Variants in GREB1L observed in about 807,000 individuals in gnomAD.
The protein encoded by GREB1L is GREB1 like retinoic acid receptor coactivator.
GREB1L carries 17 observed loss-of-function variants against 200.8 expected under a neutral mutation model. That is an observed-to-expected ratio of 0.08 (90% CI 0.06 to 0.13). GREB1L has a LOEUF of 0.13. Among genes scored for constraint, GREB1L ranks in the 10% least tolerant of loss-of-function variants. The probability of loss-of-function intolerance (pLI) is 1.00; values close to 1 mark genes in which losing one functional copy is unlikely to be tolerated. For synonymous variants in GREB1L, 789 were observed against 893.0 expected, an observed-to-expected ratio of 0.88 and a Z score of 2.08; for missense variants, 1,657 against 2,367.7, an observed-to-expected ratio of 0.70 and a Z score of 6.23.
intron 7 of GREB1L, among the ~76,000 whole-genome samples, chr18:21,426,973 C>CAAA (rs56776768): frequency 6.3e-4 from 53 of 83,782 alleles, no homozygotes; most frequent in African/African-American, 1.6e-3. Flanking sequence ...AAAAAAAAAA[C>CAAA]AAAAAAAAAA....
chr18:21,289,481 G>T (rs1209580353), intron 1 of GREB1L, among the ~76,000 whole-genome samples: 1 of 152,016 alleles, frequency 6.6e-6, no homozygotes, highest in Non-Finnish European at 1.5e-5. Context: ...TGAGGCTGCA[G>T]TCAGTGAGCT....
At chr18:21,351,365 G>C (rs553052579) in intron 1 of GREB1L, among the ~76,000 whole-genome samples, 1 of 152,096 alleles carries the variant, frequency 6.6e-6, no homozygotes, top group Non-Finnish European at 1.5e-5. Flanking sequence ...ACAAGGTCAG[G>C]AGTTTGAGAC....
chr18:21,251,168 A>G (rs964532253), intron 1 of GREB1L, among the ~76,000 whole-genome samples: 6 of 151,534 alleles, frequency 4.0e-5, no homozygotes, highest in Non-Finnish European at 5.9e-5. Flanking sequence ...ACAAACAAAC[A>G]AACGAAAACT....
At chr18:21,294,568 G>C (rs1371286631) in intron 1 of GREB1L, among the ~76,000 whole-genome samples, 1 of 151,812 alleles carries the variant, frequency 6.6e-6, no homozygotes, top group African/African-American at 2.4e-5. Flanking sequence ...AAGCCATGTG[G>C]CTTGGTAGGG....
At position 21,347,565 on chromosome 18, in the gene GREB1L, C is replaced by T. The variant is rs551351457; in HGVS notation, c.-119-18462C>T. Among the ~76,000 whole-genome samples, 28 of 151,748 alleles carry T rather than the reference C, an allele frequency of 1.8e-4. No individual in the cohort carries two copies. The East Asian group carries it at 4.5e-3, about 25-fold the overall frequency. Reference sequence around the variant, plus strand: ...CCACCTCCTAGATTCAAACAATTCTCCTGCCTCAGCCTCCCAAGTAACTGG... The same window carrying T: ...CCACCTCCTAGATTCAAACAATTCTTCTGCCTCAGCCTCCCAAGTAACTGG... On this transcript the variant is annotated intron_variant, in intron 1 of 32. Transcript: ENST00000424526.
At chr18:21,351,756 T>C (rs1437681078) in intron 1 of GREB1L, among the ~76,000 whole-genome samples, 1 of 152,222 alleles carries the variant, frequency 6.6e-6, no homozygotes, top group Non-Finnish European at 1.5e-5. Flanking sequence ...TGTTTCATCC[T>C]GCAGGTTATC....
At chr18:21,351,610 G>A (rs977074887) in intron 1 of GREB1L, among the ~76,000 whole-genome samples, 1 of 151,412 alleles carries the variant, frequency 6.6e-6, no homozygotes, top group Non-Finnish European at 1.5e-5. Flanking sequence ...ATATGGGCTT[G>A]TTATTGTTGG....
chr18:21,325,041 A>AT (rs1379798463), intron 1 of GREB1L, among the ~76,000 whole-genome samples: 1 of 152,142 alleles, frequency 6.6e-6, no homozygotes, highest in Non-Finnish European at 1.5e-5. Context: ...TTTCAGAAAG[A>AT]TTTTAAGTAA....
chr18:21,476,616 C>T (rs2035710124), intron 16 of GREB1L, among the ~76,000 whole-genome samples: 1 of 151,914 alleles, frequency 6.6e-6, no homozygotes, highest in African/African-American at 2.4e-5. Flanking sequence ...GTTGCCCAGG[C>T]TGGAGCACAG....
chr18:21,472,984 G>T, intron 15 of GREB1L, 47 bp from the exon 16 acceptor site: 2 of 1,302,738 alleles, frequency 1.5e-6, no homozygotes, highest in Non-Finnish European at 2.1e-6. Context: ...GTGTGTGTGT[G>T]TATGTGTAAA....
intron 13 of GREB1L, among the ~76,000 whole-genome samples, chr18:21,451,601 C>T (rs1369082325): frequency 7.9e-5 from 12 of 151,026 alleles, no homozygotes; most frequent in Middle Eastern, 3.2e-3. Flanking sequence ...TCAAGCGATC[C>T]TCCCACTTCA....
At chr18:21,348,471 T>G (rs1434306972) in intron 1 of GREB1L, among the ~76,000 whole-genome samples, 2 of 152,038 alleles carry the variant, frequency 1.3e-5, no homozygotes, top group East Asian at 3.9e-4. Flanking sequence ...AGACCCCATC[T>G]CTACAAAAAA....
In GREB1L at chr18:21,438,747, A is replaced by G. The variant is rs1372311112; in HGVS notation, c.833-774A>G. Among the ~76,000 whole-genome samples, 6 of 151,926 alleles carry G rather than the reference A, an allele frequency of 3.9e-5. No homozygotes were observed. In the East Asian group the frequency reaches 1.2e-3, roughly 30 times the overall value. On this transcript the variant is annotated intron_variant, in intron 7 of 32. Transcript: ENST00000424526. ...GCCGAGGCGGGCGGATCATGAGGTCAGGAGATCGAGACCATCCTGGCTAAC... is the reference window on the plus strand; with the variant it reads ...GCCGAGGCGGGCGGATCATGAGGTCGGGAGATCGAGACCATCCTGGCTAAC...
intron 7 of GREB1L, among the ~76,000 whole-genome samples, chr18:21,420,098 C>A (rs1409661392): frequency 6.6e-6 from 1 of 152,092 alleles, no homozygotes; most frequent in Non-Finnish European, 1.5e-5. Flanking sequence ...CACAGACGGG[C>A]GCGGTGGCTC....
intron 1 of GREB1L, among the ~76,000 whole-genome samples, chr18:21,297,346 G>A (rs2038546520): frequency 6.6e-6 from 1 of 152,134 alleles, no homozygotes; most frequent in African/African-American, 2.4e-5. Flanking sequence ...AGGAATGCTT[G>A]TACTTCTTGT....
intron 19 of GREB1L, among the ~76,000 whole-genome samples, chr18:21,492,447 C>T (rs1043233176): frequency 1.3e-5 from 2 of 152,204 alleles, no homozygotes; most frequent in African/African-American, 4.8e-5. Context: ...CCTAAATGCA[C>T]GTGAGGCTGC....
At chr18:21,457,284 A>C (rs1377994249) in intron 15 of GREB1L, among the ~76,000 whole-genome samples, 1 of 152,200 alleles carries the variant, frequency 6.6e-6, no homozygotes, top group African/African-American at 2.4e-5. Flanking sequence ...GAAAAAAAAA[A>C]ATCATTGTAA....
intron 1 of GREB1L, among the ~76,000 whole-genome samples, chr18:21,287,841 C>T (rs574651762): frequency 1.4e-5 from 2 of 147,122 alleles, no homozygotes; most frequent in East Asian, 4.0e-4. Context: ...GTTGCCCAGG[C>T]TGGAGAGCAG....
At chr18:21,362,219 AAGAG>A (rs1335224421) in intron 1 of GREB1L, among the ~76,000 whole-genome samples, 1 of 152,184 alleles carries the variant, frequency 6.6e-6, no homozygotes, top group African/African-American at 2.4e-5. Context: ...TTGAGGAAAT[AAGAG>A]AGACATAAAA....
Sources: allele counts gnomAD v4.1 joint callset (sites outside exome capture counted in the v4.1 genomes callset), GRCh38; gene constraint gnomAD v4.1.1; transcripts MANE v1.5; gene names NCBI Gene and HGNC (gene_info 2026-07-23, HGNC 2026-07-21).